FAM76A: variants seen among roughly 807,000 people sequenced by gnomAD.
The protein encoded by FAM76A is protein FAM76A.
FAM76A carries 32 observed loss-of-function variants against 46.2 expected under a neutral mutation model. The observed-to-expected ratio is 0.69, with a 90% confidence interval of 0.52 to 0.93. The LOEUF (loss-of-function observed/expected upper bound fraction) is 0.93, where lower values mean the gene tolerates loss of function less well. Among genes scored for constraint, FAM76A ranks in the 40% least tolerant of loss-of-function variants. The pLI, the probability that FAM76A is intolerant of heterozygous loss-of-function variation, is 0.00. For synonymous variants in FAM76A, 137 were observed against 127.0 expected (o/e 1.08, Z -0.53); for missense variants, 274 against 361.5 (o/e 0.76, Z 1.96).
chr1:27,726,143 G>T lies in FAM76A; in HGVS notation c.63G>T (p.Gln21His). Residue 21 changes from glutamine (Q) to histidine (H), a missense_variant, in exon 1 of 9, where the codon CAG (glutamine) becomes CAT (histidine). Transcript: ENST00000373954. ...GCTTCCCCTTCGAGGCGCTGTCTCA[G>T]GGGCAGCAGCTGTGCAAGGTGCGCG... Reference protein sequence around the residue: ...HQRFPFEALSQGQQLCKECRI... With the variant: ...HQRFPFEALSHGQQLCKECRI... 2 of 1,311,092 alleles carry T rather than the reference G, an allele frequency of 1.5e-6. No individual in the cohort carries two copies. The highest frequency in any genetic ancestry group is 1.5e-5 in the African/African-American group (1 of 66,182). 81.2% of individuals were successfully genotyped at this position (1,311,092 alleles called of 1,614,324 possible). A position where few individuals can be genotyped will look rare whatever the true frequency, so the allele number is the denominator to read the frequency against.
At chr1:27,752,887 C>T (rs1346951700) in intron 6 of FAM76A, among the ~76,000 whole-genome samples, 3 of 152,180 alleles carry the variant, frequency 2.0e-5, no homozygotes, top group Non-Finnish European at 4.4e-5. Flanking sequence ...GGGCTGGGCA[C>T]GGTGGCTCAC....
chr1:27,728,613 A>T (rs1571463216), intron 2 of FAM76A, among the ~76,000 whole-genome samples: 2 of 152,148 alleles, frequency 1.3e-5, no homozygotes, highest in South Asian at 4.1e-4. Context: ...TTAGCCTCTC[A>T]AGATGTTGGA....
rs551597133 is a variant in FAM76A at position 27,734,419 on chromosome 1, C to T, written c.354+236C>T. On this transcript the variant is annotated intron_variant, in intron 4 of 8. Coordinates refer to ENST00000373954, the MANE Select transcript of FAM76A (RefSeq NM_152660.3). ...AAAATTAGCCAGGCGTGGTGGCATG[C>T]GCCTGTAGTCCCAGCTACTCAGGAG... Among the ~76,000 whole-genome samples the T allele has an allele frequency of 7.2e-5, 11 of 152,086 alleles. No homozygotes were observed. In the East Asian group the frequency reaches 1.9e-3, roughly 27 times the overall value.
intron 7 of FAM76A, among the ~76,000 whole-genome samples, chr1:27,759,286 T>C (rs1419656860): frequency 6.6e-6 from 1 of 152,182 alleles, no homozygotes; most frequent in Non-Finnish European, 1.5e-5. Context: ...TAGTAAAAGT[T>C]CAGTAATTGG....
chr1:27,731,302 C>T (rs1281724729), intron 2 of FAM76A, among the ~76,000 whole-genome samples: 1 of 147,916 alleles, frequency 6.8e-6, no homozygotes. Context: ...CTCCCAGGTT[C>T]AAGCGATTCT....
intron 4 of FAM76A, among the ~76,000 whole-genome samples, chr1:27,741,680 A>G (rs2088156276): frequency 6.6e-6 from 1 of 152,090 alleles, no homozygotes; most frequent in African/African-American, 2.4e-5. Context: ...CAGGAGTTTG[A>G]GACCAGCCTG....
chr1:27,728,383 C>T (rs1272490261), intron 2 of FAM76A, among the ~76,000 whole-genome samples: 1 of 152,112 alleles, frequency 6.6e-6, no homozygotes, highest in African/African-American at 2.4e-5. Flanking sequence ...AACAGAGTCT[C>T]TCTCTCCCAG....
chr1:27,747,597 A>G (rs901352313), intron 5 of FAM76A, among the ~76,000 whole-genome samples: 2 of 152,200 alleles, frequency 1.3e-5, no homozygotes, highest in African/African-American at 4.8e-5. Context: ...CTGAGATACC[A>G]GTAGGTTAAC....
At chr1:27,757,363 A>G (rs1463366920) in intron 7 of FAM76A, among the ~76,000 whole-genome samples, 1 of 140,806 alleles carries the variant, frequency 7.1e-6, no homozygotes, top group Admixed American at 7.0e-5. Context: ...CACCTGGCTG[A>G]TTTTTGTTTT....
Position 27,761,001 on chromosome 1 carries a change from A to G in FAM76A, c.*420A>G, listed in dbSNP as rs1259157161. On this transcript the variant is annotated 3_prime_UTR_variant, in exon 9 of 9. Transcript: ENST00000373954. ...CATCCTGCCATACCCATGAGCAAAC[A>G]GTTTGGCATTAATTATATATCACTG... is the stretch of plus-strand genomic sequence containing the variant. 2 of 144,386 alleles carry G rather than the reference A, an allele frequency of 1.4e-5. No individual in the cohort carries two copies. The highest frequency in any genetic ancestry group is 5.1e-5 in the African/African-American group (2 of 38,876). The allele number at this position is 144,386 out of a possible 1,614,324, so 8.9% of individuals were successfully genotyped here.
At chr1:27,728,551 C>T (rs188041174) in intron 2 of FAM76A, among the ~76,000 whole-genome samples, 171 of 152,182 alleles carry the variant, frequency 1.1e-3, no homozygotes, top group African/African-American at 4.0e-3. Flanking sequence ...AAGATTTTGC[C>T]ATGTTACCCA....
At chr1:27,749,001 C>T (rs2148581807) in intron 5 of FAM76A, 67 bp from the exon 6 acceptor site, 2 of 1,068,690 alleles carry the variant, frequency 1.9e-6, no homozygotes, top group Non-Finnish European at 2.7e-6. Flanking sequence ...ATTTGACAGA[C>T]TTTCATTGTG....
At position 27,726,172 on chromosome 1, in the gene FAM76A, T is replaced by TG; in HGVS notation, c.81+15dup. The TG allele has an allele frequency of 7.8e-7, 1 of 1,275,436 alleles. No homozygotes were observed. Among genetic ancestry groups the TG allele is most frequent in the Non-Finnish European group, 9.9e-7 (1 of 1,010,806 alleles). The allele number at this position is 1,275,436 out of a possible 1,614,324, so 79.0% of individuals were successfully genotyped here. ...CAGCAGCTGTGCAAGGTGCGCGGGC[T>TG]GGGGCGGCGGCCGGGAACTGGGGAC... On this transcript the variant is annotated intron_variant, in intron 1 of 8. Coordinates refer to ENST00000373954, the MANE Select transcript of FAM76A (RefSeq NM_152660.3).
intron 4 of FAM76A, chr1:27,739,052 A>G: frequency 4.3e-6 from 1 of 234,124 alleles, no homozygotes; most frequent in Non-Finnish European, 8.4e-6. Flanking sequence ...ATTTAAGTCA[A>G]CATAGGCCAT....
At chr1:27,755,052 C>A in intron 6 of FAM76A, 143 bp from the exon 7 acceptor site, 1 of 874,862 alleles carries the variant, frequency 1.1e-6, no homozygotes, top group Non-Finnish European at 1.7e-6. Flanking sequence ...TGCCGTTGAG[C>A]CCAGCATGTG....
At chr1:27,733,663 C>T (rs1015757290) in intron 3 of FAM76A, among the ~76,000 whole-genome samples, 3 of 151,932 alleles carry the variant, frequency 2.0e-5, no homozygotes, top group Admixed American at 1.3e-4. Context: ...GCCTGGCCAA[C>T]ATGGTGAAAC....
chr1:27,735,360 G>A (rs1183640329), intron 4 of FAM76A, among the ~76,000 whole-genome samples: 1 of 152,216 alleles, frequency 6.6e-6, no homozygotes, highest in East Asian at 1.9e-4. Flanking sequence ...CGACTAGAAT[G>A]TGAGCTCTTT....
At chr1:27,740,418 A>C in intron 4 of FAM76A, 1 of 1,445,972 alleles carries the variant, frequency 6.9e-7, no homozygotes, top group Non-Finnish European at 9.7e-7. Flanking sequence ...TATGGTGCCA[A>C]ACATTCACTG....
intron 6 of FAM76A, among the ~76,000 whole-genome samples, chr1:27,753,701 T>C (rs1417844205): frequency 3.3e-5 from 5 of 152,226 alleles, no homozygotes; most frequent in African/African-American, 9.6e-5. Flanking sequence ...ACTTGGTAAC[T>C]GTGAGGTAGT....
Sources: allele counts gnomAD v4.1 joint callset (sites outside exome capture counted in the v4.1 genomes callset), GRCh38; gene constraint gnomAD v4.1.1; transcripts MANE v1.5; gene names NCBI Gene and HGNC (gene_info 2026-07-23, HGNC 2026-07-21).